Variants in ERBB4 observed in about 807,000 individuals in gnomAD.
The protein encoded by ERBB4 is receptor tyrosine-protein kinase erbB-4.
ERBB4 carries 42 observed loss-of-function variants against 158.0 expected under a neutral mutation model. The observed-to-expected ratio is 0.27, with a 90% CI of 0.21 to 0.34. ERBB4 has a LOEUF of 0.34. ERBB4 is among the 10% of genes least tolerant of loss of function. The pLI, the probability that ERBB4 is intolerant of heterozygous loss-of-function variation, is 1.00. For missense variants in ERBB4, 1,333 were observed against 1,624.1 expected (o/e 0.82, Z 3.08); for synonymous variants, 583 against 558.7 (o/e 1.04, Z -0.61).
chr2:211,762,060 T>C (rs909676902), intron 4 of ERBB4, among the ~76,000 whole-genome samples: 14 of 152,234 alleles, frequency 9.2e-5, no homozygotes, highest in African/African-American at 3.4e-4. Flanking sequence ...GCAAAGTACC[T>C]GGCTTGTAAT....
chr2:211,892,005 T>G (rs1394866625), intron 3 of ERBB4, among the ~76,000 whole-genome samples: 2 of 133,128 alleles, frequency 1.5e-5, no homozygotes, highest in Non-Finnish European at 3.2e-5. Context: ...CCATTCCTTC[T>G]GAAACTATTC....
chr2:212,300,706 C>T (rs538789654), intron 1 of ERBB4, among the ~76,000 whole-genome samples: 1 of 151,550 alleles, frequency 6.6e-6, no homozygotes, highest in South Asian at 2.1e-4. Flanking sequence ...ATGCTCAAAA[C>T]ATAAGGGTGA....
intron 5 of ERBB4, among the ~76,000 whole-genome samples, chr2:211,738,282 CTTTT>C (rs1460504690): frequency 6.7e-6 from 1 of 149,016 alleles, no homozygotes; most frequent in East Asian, 2.0e-4. Context: ...ATGTTCAATT[CTTTT>C]TAATTAAAAT....
chr2:211,789,519 G>C (rs1430306938), intron 3 of ERBB4, among the ~76,000 whole-genome samples: 1 of 152,130 alleles, frequency 6.6e-6, no homozygotes, highest in Non-Finnish European at 1.5e-5. Flanking sequence ...TATTTGAGAA[G>C]AAATGCTCTC....
chr2:211,561,896 C>A lies in ERBB4; in HGVS notation c.2487+7G>T, dbSNP rs746347623. On this transcript the variant is annotated splice_region_variant and intron_variant, in intron 20 of 27. Transcript: ENST00000342788. ...TGTAATTTCCATAGAAATTGACAGG[C>A]ACTTACCTTAGCTATCTGGACACAC... 1.9e-6 allele frequency: 3 copies of A among 1,612,356 alleles called. No homozygotes were observed. The highest frequency in any genetic ancestry group is 2.5e-6 in the Non-Finnish European group (3 of 1,178,898).
At chr2:212,357,584 A>G (rs2089510889) in intron 1 of ERBB4, among the ~76,000 whole-genome samples, 1 of 151,842 alleles carries the variant, frequency 6.6e-6, no homozygotes. Context: ...TCATTTTATG[A>G]AAATGTACGT....
At chr2:212,331,744 TTTG>T (rs1416251298) in intron 1 of ERBB4, among the ~76,000 whole-genome samples, 3 of 152,092 alleles carry the variant, frequency 2.0e-5, no homozygotes, top group Non-Finnish European at 2.9e-5. Context: ...CAAATCTTCT[TTTG>T]TTAACTATAA....
At chr2:211,463,516 G>A (rs550363077) in intron 20 of ERBB4, among the ~76,000 whole-genome samples, 61 of 152,254 alleles carry the variant, frequency 4.0e-4, no homozygotes, top group African/African-American at 1.4e-3. Flanking sequence ...TACCCAGATG[G>A]TAAAATTGGG....
intron 1 of ERBB4, among the ~76,000 whole-genome samples, chr2:212,187,107 A>G (rs1046051676): frequency 6.6e-6 from 1 of 152,134 alleles, no homozygotes; most frequent in African/African-American, 2.4e-5. Flanking sequence ...ACTTGACTCT[A>G]CTGTTAAAAG....
intron 1 of ERBB4, among the ~76,000 whole-genome samples, chr2:212,208,935 C>A (rs1325123386): frequency 1.3e-5 from 2 of 151,996 alleles, no homozygotes; most frequent in African/African-American, 2.4e-5. Flanking sequence ...TTCAGAGTTT[C>A]AAAAAATCTT....
intron 2 of ERBB4, among the ~76,000 whole-genome samples, chr2:211,975,266 G>A (rs2081573566): frequency 6.6e-6 from 1 of 152,196 alleles, no homozygotes; most frequent in Admixed American, 6.6e-5. Context: ...ACAGCCATGA[G>A]CCACCACCGT....
At position 212,133,149 on chromosome 2, in the gene ERBB4, A is replaced by G. The variant is rs1376077380; in HGVS notation, c.83-8246T>C. On this transcript the variant is annotated intron_variant, in intron 1 of 27. Transcript: ENST00000342788. The stretch of plus-strand genomic sequence containing the variant: ...CTGAGAAACACATTTATGTTTATTC[A>G]TTCTCCACACAGAGGCCAGAATGTT... Among the ~76,000 whole-genome samples, 4 of 151,984 alleles carry G rather than the reference A, an allele frequency of 2.6e-5. No individual in the cohort carries two copies. The East Asian group carries it at 5.8e-4, about 22-fold the overall frequency.
In ERBB4 at chr2:211,691,358, A is replaced by G. The variant is rs71422751; in HGVS notation, c.1489+10609T>C. 6.4e-3 allele frequency among the ~76,000 whole-genome samples: 977 copies of G among 152,304 alleles called. 2 individuals are homozygous for G. The highest frequency in any genetic ancestry group is 0.011 in the Non-Finnish European group (777 of 68,036). On this transcript the variant is annotated intron_variant, in intron 12 of 27. Transcript: ENST00000342788. ...CTGAGACATTAAGTAAATGCTCAATACATGTACTCAAGAGAAATGTGAAGG... is the reference window on the plus strand; with the variant it reads ...CTGAGACATTAAGTAAATGCTCAATGCATGTACTCAAGAGAAATGTGAAGG...
At chr2:211,725,262 G>A (rs1244341288) in intron 5 of ERBB4, 68 bp from the exon 6 acceptor site, 6 of 1,153,930 alleles carry the variant, frequency 5.2e-6, no homozygotes, top group Non-Finnish European at 6.6e-6. Context: ...GCTGAGTTCT[G>A]GAGTGACAAT....
At chr2:212,451,772 C>T (rs535099513) in intron 1 of ERBB4, among the ~76,000 whole-genome samples, 1 of 152,270 alleles carries the variant, frequency 6.6e-6, no homozygotes, top group African/African-American at 2.4e-5. Flanking sequence ...TATAGCCGAA[C>T]ATCAACCATG....
At chr2:212,492,402 T>TA (rs932176904) in intron 1 of ERBB4, among the ~76,000 whole-genome samples, 3 of 151,300 alleles carry the variant, frequency 2.0e-5, no homozygotes, top group African/African-American at 7.3e-5. Context: ...AAAATAAATT[T>TA]AAAAAATAAT....
chr2:212,290,376 G>T (rs1559938037), intron 1 of ERBB4, among the ~76,000 whole-genome samples: 1 of 152,110 alleles, frequency 6.6e-6, no homozygotes, highest in South Asian at 2.1e-4. Flanking sequence ...ATATGAAGTA[G>T]TCTTTACCAC....
At chr2:211,478,879 C>T (rs148613167) in intron 20 of ERBB4, among the ~76,000 whole-genome samples, 192 of 152,260 alleles carry the variant, frequency 1.3e-3, no homozygotes, top group African/African-American at 4.5e-3. Context: ...CATTATCCCA[C>T]AGCATAATAT....
intron 16 of ERBB4, among the ~76,000 whole-genome samples, chr2:211,643,877 T>C (rs2070692909): frequency 1.3e-5 from 2 of 152,040 alleles, no homozygotes; most frequent in African/African-American, 4.8e-5. Flanking sequence ...GACAGGATAT[T>C]ATGTGTCATC....
Sources: gnomAD v4.1 joint callset for allele counts (sites outside exome capture counted in the v4.1 genomes callset) on GRCh38, gnomAD v4.1.1 for gene constraint, MANE v1.5 for transcripts, NCBI Gene and HGNC (gene_info 2026-07-23, HGNC 2026-07-21) for gene names.